The following NRG1 variants were observed in gnomAD, a reference collection of about 807,000 sequenced individuals.
NRG1 encodes neuregulin 1, also known as pro-neuregulin-1, membrane-bound isoform.
NRG1 carries 18 observed loss-of-function variants against 63.8 expected under a neutral mutation model. The ratio of observed to expected loss-of-function variants is 0.28; its 90% CI spans 0.19 to 0.42. NRG1 has a LOEUF of 0.42. NRG1 is among the 10% of genes least tolerant of loss of function. The pLI, the probability that NRG1 is intolerant of heterozygous loss-of-function variation, is 1.00. For missense variants in NRG1, 762 were observed against 814.7 expected, an observed-to-expected ratio of 0.94 and a Z score of 0.79; for synonymous variants, 302 against 301.3, an observed-to-expected ratio of 1.00 and a Z score of -0.02.
intron 1 of NRG1, among the ~76,000 whole-genome samples, chr8:32,396,792 A>G (rs1219693961): frequency 6.6e-6 from 1 of 152,064 alleles, no homozygotes; most frequent in African/African-American, 2.4e-5. Context: ...ACATTGTTTT[A>G]TTAATTTATA....
chr8:32,228,880 T>C (rs1353930589), intron 1 of NRG1, among the ~76,000 whole-genome samples: 1 of 152,164 alleles, frequency 6.6e-6, no homozygotes, highest in Non-Finnish European at 1.5e-5. Context: ...GAAATAAACT[T>C]GAGTCTCTTG....
intron 1 of NRG1, among the ~76,000 whole-genome samples, chr8:32,271,543 T>A (rs1851549468): frequency 6.6e-6 from 1 of 152,124 alleles, no homozygotes; most frequent in Admixed American, 6.5e-5. Flanking sequence ...TCATTGTGAG[T>A]CATGCATTCC....
chr8:32,764,461 C>T (rs1831260382), exon 12 of NRG1: 23 of 1,331,070 alleles, frequency 1.7e-5, no homozygotes, highest in Non-Finnish European at 2.2e-5. Flanking sequence ...TAAAGTATTC[C>T]ACCTTAAATT....
chr8:32,587,071 T>C (rs1400540640), intron 1 of NRG1, among the ~76,000 whole-genome samples: 2 of 152,022 alleles, frequency 1.3e-5, no homozygotes, highest in Non-Finnish European at 2.9e-5. Context: ...AGCGTGGTGG[T>C]GTGTGCCTGT....
chr8:32,756,544 G>A lies in NRG1; in HGVS notation c.921+15G>A. 1 of 1,597,984 alleles carries A rather than the reference G, an allele frequency of 6.3e-7. No individual in the cohort carries two copies. The highest frequency in any genetic ancestry group is 1.8e-5 in the Admixed American group (1 of 56,340). On this transcript the variant is annotated intron_variant, in intron 9 of 11. Coordinates refer to ENST00000356819, the Ensembl canonical transcript of NRG1. ...AGCTGGTGAATGTACGTTGACTCTG[G>A]CCAGTGGAAAAAACTGAGCCTCTCT...
intron 5 of NRG1, among the ~76,000 whole-genome samples, chr8:32,690,825 ATTTAAGGTGATTTTAT>A (rs1405295727): frequency 2.0e-5 from 3 of 152,134 alleles, no homozygotes; most frequent in Admixed American, 6.6e-5. Flanking sequence ...AGAATTAGAA[ATTTAAGGTGATTTTAT>A]TTTATTTTAT....
At chr8:32,155,235 C>A (rs1344933516) in intron 1 of NRG1, among the ~76,000 whole-genome samples, 1 of 152,100 alleles carries the variant, frequency 6.6e-6, no homozygotes, top group Non-Finnish European at 1.5e-5. Flanking sequence ...TACTAACTAC[C>A]CATCCCAACT....
At chr8:32,641,159 A>ATG (rs1191742456) in intron 5 of NRG1, among the ~76,000 whole-genome samples, 1 of 149,346 alleles carries the variant, frequency 6.7e-6, no homozygotes, top group African/African-American at 2.4e-5. Context: ...ATACATATAT[A>ATG]TATATAAATA....
intron 5 of NRG1, chr8:32,722,113 AT>A: frequency 7.8e-7 from 1 of 1,274,686 alleles, no homozygotes; most frequent in Non-Finnish European, 1.1e-6. Flanking sequence ...AAATGTGCAT[AT>A]TTTATTAAGC....
At chr8:32,367,406 CT>C (rs369041002) in intron 1 of NRG1, among the ~76,000 whole-genome samples, 19,170 of 147,154 alleles carry the variant, frequency 0.13, 1,297 homozygotes, top group South Asian at 0.17. Flanking sequence ...TGGTGTTGAA[CT>C]TTTTTTTTTT....
chr8:32,754,824 C>A (rs1348321933), intron 8 of NRG1, among the ~76,000 whole-genome samples: 2 of 152,050 alleles, frequency 1.3e-5, no homozygotes, highest in Non-Finnish European at 2.9e-5. Flanking sequence ...CATTTGAGGG[C>A]TTTAGTATAA....
intron 1 of NRG1, among the ~76,000 whole-genome samples, chr8:32,111,879 T>C (rs967776318): frequency 6.6e-6 from 1 of 152,094 alleles, no homozygotes; most frequent in African/African-American, 2.4e-5. Flanking sequence ...GGAATTGGTG[T>C]TGAATTGATC....
chr8:32,060,591 T>C (rs1441851999), intron 1 of NRG1, among the ~76,000 whole-genome samples: 2 of 151,934 alleles, frequency 1.3e-5, no homozygotes, highest in Non-Finnish European at 2.9e-5. Flanking sequence ...ATGATTATTA[T>C]TATTTGCTTG....
intron 1 of NRG1, among the ~76,000 whole-genome samples, chr8:31,668,104 G>A (rs922099405): frequency 3.3e-5 from 5 of 152,114 alleles, no homozygotes; most frequent in African/African-American, 1.2e-4. Flanking sequence ...TTTATGGGTG[G>A]ATATTTGAAA....
chr8:32,665,414 G>C (rs1185287811), intron 5 of NRG1, among the ~76,000 whole-genome samples: 1 of 152,170 alleles, frequency 6.6e-6, no homozygotes, highest in Non-Finnish European at 1.5e-5. Context: ...AGTATTCAAA[G>C]AAGAGCTGTG....
At chr8:32,043,455 A>T (rs1259667507) in intron 1 of NRG1, among the ~76,000 whole-genome samples, 1 of 152,096 alleles carries the variant, frequency 6.6e-6, no homozygotes, top group Admixed American at 6.6e-5. Flanking sequence ...TTTGCTGAAG[A>T]AATTCTTCAC....
At chr8:32,475,860 A>G (rs541863658) in intron 1 of NRG1, among the ~76,000 whole-genome samples, 2 of 152,214 alleles carry the variant, frequency 1.3e-5, no homozygotes, top group African/African-American at 4.8e-5. Flanking sequence ...ATTTGCAATA[A>G]AAATTATTAA....
chr8:32,312,971 T>C (rs1479483309), intron 1 of NRG1, among the ~76,000 whole-genome samples: 2 of 152,162 alleles, frequency 1.3e-5, no homozygotes, highest in African/African-American at 4.8e-5. Context: ...CTGGCCACCA[T>C]GGTGAAACCC....
chr8:32,464,304 C>G (rs1221335289), intron 1 of NRG1, among the ~76,000 whole-genome samples: 1 of 105,886 alleles, frequency 9.4e-6, no homozygotes, highest in Non-Finnish European at 1.7e-5. Context: ...ACCATGATGT[C>G]GTCAACACAG....
Sources: gnomAD v4.1 joint callset for allele counts (sites outside exome capture counted in the v4.1 genomes callset) on GRCh38, gnomAD v4.1.1 for gene constraint, MANE v1.5 for transcripts, NCBI Gene and HGNC (gene_info 2026-07-23, HGNC 2026-07-21) for gene names.